FLT1: variants seen among roughly 807,000 people sequenced by gnomAD.
FLT1 encodes fms related receptor tyrosine kinase 1.
In FLT1, 49 loss-of-function variants were observed where a neutral mutation model predicts 156.3. The observed-to-expected ratio is 0.31, with a 90% CI of 0.25 to 0.40. FLT1 has a LOEUF of 0.40. Ranked by LOEUF, FLT1 falls within the 10% of genes least tolerant of loss-of-function variation. The pLI, the probability that FLT1 is intolerant of heterozygous loss-of-function variation, is 1.00. For missense variants in FLT1, 1,322 were observed against 1,637.2 expected, an observed-to-expected ratio of 0.81 and a Z score of 3.32; for synonymous variants, 594 against 583.8, an observed-to-expected ratio of 1.02 and a Z score of -0.25.
Position 28,300,529 on chromosome 13 carries a change from A to C in FLT1, c.*2638T>G, listed in dbSNP as rs9554313. 1.3e-3 allele frequency: 145 copies of C among 112,556 alleles called. No homozygotes were observed. The highest frequency in any genetic ancestry group is 4.9e-3 in the African/African-American group (115 of 23,308). The allele number at this position is 112,556 out of a possible 1,614,324, so 7.0% of individuals were successfully genotyped here. ...ACAAAACACACATACACCCACACAC[A>C]CACACACACACACACACACACACAC... On this transcript the variant is annotated 3_prime_UTR_variant, in exon 30 of 30. Transcript: ENST00000282397.
intron 29 of FLT1, among the ~76,000 whole-genome samples, chr13:28,305,904 G>A (rs1002145880): frequency 6.6e-6 from 1 of 152,188 alleles, no homozygotes; most frequent in Non-Finnish European, 1.5e-5. Flanking sequence ...TGGCAGTAGG[G>A]AGCATTTGCT....
At chr13:28,358,450 G>A (rs887044579) in intron 14 of FLT1, among the ~76,000 whole-genome samples, 1 of 152,164 alleles carries the variant, frequency 6.6e-6, no homozygotes, top group African/African-American at 2.4e-5. Context: ...CAAGCCCATG[G>A]TACATAGTAA....
chr13:28,451,727 C>G (rs145195117), intron 3 of FLT1, among the ~76,000 whole-genome samples: 3 of 152,202 alleles, frequency 2.0e-5, no homozygotes, highest in Non-Finnish European at 4.4e-5. Flanking sequence ...TGCGCCACCA[C>G]GGGACTCTCT....
intron 14 of FLT1, among the ~76,000 whole-genome samples, chr13:28,377,797 A>AATGCTTTATGTGTTTTTAAT (rs1813918359): frequency 6.6e-6 from 1 of 152,186 alleles, no homozygotes; most frequent in African/African-American, 2.4e-5. Flanking sequence ...GTTTTTTAAA[A>AATGCTTTATGTGTTTTTAAT]ATGCTTTATG....
chr13:28,411,825 G>C (rs1157580517), intron 10 of FLT1, among the ~76,000 whole-genome samples: 2 of 152,162 alleles, frequency 1.3e-5, no homozygotes, highest in Non-Finnish European at 2.9e-5. Context: ...TATAATGAAA[G>C]CACATTTAAT....
intron 4 of FLT1, among the ~76,000 whole-genome samples, chr13:28,434,888 CAG>C (rs1232281477): frequency 1.3e-5 from 2 of 152,192 alleles, no homozygotes; most frequent in African/African-American, 4.8e-5. Context: ...GTCTCAAAAA[CAG>C]AGAGAGAAAC....
At chr13:28,398,940 A>T (rs1875245478) in intron 11 of FLT1, 1 of 782,362 alleles carries the variant, frequency 1.3e-6, no homozygotes, top group Non-Finnish European at 2.2e-6. Context: ...AAGAGAGCTC[A>T]GGTGTCCCTT....
Position 28,362,905 on chromosome 13 carries a change from C to T in FLT1, c.2117-5220G>A, listed in dbSNP as rs117424665. ...TCTTTCTGATATGCCCTCTATTGTACTATAACAAATGACACAGAGACATTG... is the reference window on the plus strand; with the variant it reads ...TCTTTCTGATATGCCCTCTATTGTATTATAACAAATGACACAGAGACATTG... On this transcript the variant is annotated intron_variant, in intron 14 of 29. Coordinates refer to ENST00000282397, the MANE Select transcript of FLT1 (RefSeq NM_002019.4). 3.2e-3 allele frequency among the ~76,000 whole-genome samples: 491 copies of T among 152,250 alleles called. 1 individual carries two copies. Among genetic ancestry groups the T allele is most frequent in the Middle Eastern group, 6.8e-3 (2 of 294 alleles).
chr13:28,478,097 T>C (rs773860304), intron 1 of FLT1, among the ~76,000 whole-genome samples: 1 of 152,228 alleles, frequency 6.6e-6, no homozygotes, highest in Non-Finnish European at 1.5e-5. Flanking sequence ...AGCATTTGCA[T>C]AGAGTTGTAT....
intron 1 of FLT1, among the ~76,000 whole-genome samples, chr13:28,472,894 T>C (rs2137634652): frequency 6.6e-6 from 1 of 152,314 alleles, no homozygotes; most frequent in Middle Eastern, 3.4e-3. Flanking sequence ...TTAGAAATAC[T>C]TATGGTTAGT....
rs529085851 is a variant in FLT1, at chr13:28,369,263, G to A, written c.2117-11578C>T. Among the ~76,000 whole-genome samples the A allele has an allele frequency of 4.6e-5, 7 of 152,258 alleles. No individual in the cohort carries two copies. In the South Asian group the frequency reaches 6.2e-4, roughly 14 times the overall value. The stretch of plus-strand genomic sequence containing the variant: ...ATGAAGGCCAGGCACGGTGGCTCAC[G>A]CTTATAGTTCCAACACTTTGGGAGG... On this transcript the variant is annotated intron_variant, in intron 14 of 29. Coordinates refer to ENST00000282397, the MANE Select transcript of FLT1 (RefSeq NM_002019.4).
At chr13:28,484,305 G>C (rs1180870862) in intron 1 of FLT1, among the ~76,000 whole-genome samples, 1 of 152,208 alleles carries the variant, frequency 6.6e-6, no homozygotes. Context: ...TGGATTCCTG[G>C]AAACCATCTG....
intron 16 of FLT1, among the ~76,000 whole-genome samples, chr13:28,343,944 C>T (rs1482929815): frequency 6.6e-6 from 1 of 151,568 alleles, no homozygotes; most frequent in Non-Finnish European, 1.5e-5. Flanking sequence ...GCCCGGCAGC[C>T]ACCATAATTT....
At chr13:28,373,136 C>G (rs772551778) in intron 14 of FLT1, among the ~76,000 whole-genome samples, 2 of 152,066 alleles carry the variant, frequency 1.3e-5, no homozygotes, top group Non-Finnish European at 2.9e-5. Flanking sequence ...AAGGACAAAT[C>G]AAAACCCATT....
chr13:28,372,567 T>C (rs866509894), intron 14 of FLT1, among the ~76,000 whole-genome samples: 163 of 2,588 alleles, frequency 0.063, 2 homozygotes, highest in Non-Finnish European at 0.087. Flanking sequence ...AAATAAAATG[T>C]ATATATATAT....
At chr13:28,455,010 CTAAA>C (rs1375273751) in intron 3 of FLT1, among the ~76,000 whole-genome samples, 1 of 152,010 alleles carries the variant, frequency 6.6e-6, no homozygotes, top group Non-Finnish European at 1.5e-5. Context: ...TGAAGAAAAA[CTAAA>C]TGAATGGAGA....
chr13:28,334,221 C>T (rs1872032679), intron 17 of FLT1, 92 bp from the exon 18 acceptor site: 3 of 835,154 alleles, frequency 3.6e-6, no homozygotes, highest in Admixed American at 1.7e-5. Flanking sequence ...CCTATGTGTG[C>T]ATGTGAGGCA....
At chr13:28,435,951 A>T (rs975748016) in intron 4 of FLT1, among the ~76,000 whole-genome samples, 3 of 152,232 alleles carry the variant, frequency 2.0e-5, no homozygotes, top group Non-Finnish European at 4.4e-5. Flanking sequence ...AGGGACTGAA[A>T]TCTATGGTAC....
rs118040523 is a variant in FLT1 at position 28,377,095 on chromosome 13, T to C, written c.2116+7790A>G. Among the ~76,000 whole-genome samples, 29 of 152,328 alleles carry C rather than the reference T, an allele frequency of 1.9e-4. No individual in the cohort carries two copies. The East Asian group carries it at 5.4e-3, about 28-fold the overall frequency. On this transcript the variant is annotated intron_variant, in intron 14 of 29. Transcript: ENST00000282397. The stretch of plus-strand genomic sequence containing the variant: ...CCCTTCACACTGCATTTTCCTCTCT[T>C]ATCTCTGGCTCTCTGTATTATATTC...
Sources: gnomAD v4.1 joint callset for allele counts (sites outside exome capture counted in the v4.1 genomes callset) on GRCh38, gnomAD v4.1.1 for gene constraint, MANE v1.5 for transcripts, NCBI Gene and HGNC (gene_info 2026-07-23, HGNC 2026-07-21) for gene names.